Variants in SEMA3C observed in about 807,000 individuals in gnomAD.
SEMA3C encodes semaphorin-3C.
In SEMA3C, 47 loss-of-function variants were observed where a neutral mutation model predicts 89.4. The observed-to-expected ratio is 0.53, with a 90% CI of 0.42 to 0.67. SEMA3C has a LOEUF of 0.67. SEMA3C is among the 30% of genes least tolerant of loss of function. The probability of loss-of-function intolerance (pLI) is 0.00; values close to 1 mark genes in which losing one functional copy is unlikely to be tolerated. For missense variants in SEMA3C, 839 were observed against 929.1 expected, an observed-to-expected ratio of 0.90 and a Z score of 1.26; for synonymous variants, 310 against 320.2, an observed-to-expected ratio of 0.97 and a Z score of 0.34.
At chr7:80,856,966 T>C (rs1304455622) in intron 2 of SEMA3C, among the ~76,000 whole-genome samples, 1 of 152,036 alleles carries the variant, frequency 6.6e-6, no homozygotes, top group Non-Finnish European at 1.5e-5. Flanking sequence ...GAAGTGAAAA[T>C]CAACATTATC....
At chr7:80,843,209 C>T (rs529922908) in intron 2 of SEMA3C, among the ~76,000 whole-genome samples, 1 of 152,198 alleles carries the variant, frequency 6.6e-6, no homozygotes, top group Admixed American at 6.5e-5. Context: ...GGACCTGAAT[C>T]GTTTCCAACA....
intron 12 of SEMA3C, among the ~76,000 whole-genome samples, chr7:80,780,744 C>T (rs1479041767): frequency 3.3e-5 from 5 of 151,916 alleles, no homozygotes; most frequent in Admixed American, 1.3e-4. Context: ...ATTAGCCAGG[C>T]GCGGTGGTGT....
chr7:80,820,962 T>G lies in SEMA3C; in HGVS notation c.328-2544A>C, dbSNP rs568199388. On this transcript the variant is annotated intron_variant, in intron 4 of 17. Transcript: ENST00000265361. Reference sequence around the variant, plus strand: ...TCATCTTGGGTCTTATGGATGTCAATGTACTTTCATGAATTACTGGTATTG... The same window carrying G: ...TCATCTTGGGTCTTATGGATGTCAAGGTACTTTCATGAATTACTGGTATTG... Among the ~76,000 whole-genome samples the G allele has an allele frequency of 1.1e-3, 161 of 152,312 alleles. 1 individual carries two copies. The highest frequency in any genetic ancestry group is 3.8e-3 in the African/African-American group (157 of 41,568).
intron 12 of SEMA3C, among the ~76,000 whole-genome samples, chr7:80,766,132 A>G (rs928103926): frequency 6.6e-6 from 1 of 152,246 alleles, no homozygotes; most frequent in Middle Eastern, 3.2e-3. Context: ...AAAAAGAAAC[A>G]CAACTGATTT....
At chr7:80,843,922 AACAT>A (rs149878303) in intron 2 of SEMA3C, among the ~76,000 whole-genome samples, 8,029 of 152,192 alleles carry the variant, frequency 0.053, 240 homozygotes, top group African/African-American at 0.076. Flanking sequence ...TCCTACTGAG[AACAT>A]ACAAAGTACC....
At position 80,820,627 on chromosome 7, in the gene SEMA3C, C is replaced by A. The variant is rs1191897080; in HGVS notation, c.328-2209G>T. 2.0e-5 allele frequency among the ~76,000 whole-genome samples: 3 copies of A among 151,988 alleles called. No homozygotes were observed. In the East Asian group the frequency reaches 5.8e-4, roughly 29 times the overall value. ...AGAAATTAATCCTTATAGACCAGAC[C>A]ATACACTTTATTTTTAAGACATTAA... On this transcript the variant is annotated intron_variant, in intron 4 of 17. Transcript: ENST00000265361.
Position 80,751,350 on chromosome 7 carries a change from A to G in SEMA3C, c.1644-14T>C, listed in dbSNP as rs1787930725. 6.2e-7 allele frequency: 1 copy of G among 1,611,864 alleles called. No homozygotes were observed. Among genetic ancestry groups the G allele is most frequent in the South Asian group, 1.1e-5 (1 of 91,058 alleles). Reference sequence around the variant, plus strand: ...CTTCGGCTCCTCCTGCAAGTGCAGAAATACATAAAAGTGACTGAGAATTAT... The same window carrying G: ...CTTCGGCTCCTCCTGCAAGTGCAGAGATACATAAAAGTGACTGAGAATTAT... On this transcript the variant is annotated splice_polypyrimidine_tract_variant and intron_variant, in intron 15 of 17. Coordinates refer to ENST00000265361, the MANE Select transcript of SEMA3C (RefSeq NM_006379.5).
chr7:80,891,503 G>A (rs1562972409), intron 2 of SEMA3C, among the ~76,000 whole-genome samples: 1 of 151,746 alleles, frequency 6.6e-6, no homozygotes, highest in Non-Finnish European at 1.5e-5. Context: ...TATACATGGA[G>A]GGATAGGAAT....
chr7:80,828,473 C>G, intron 3 of SEMA3C, 112 bp downstream of exon 3: 1 of 811,152 alleles, frequency 1.2e-6, no homozygotes, highest in East Asian at 2.7e-5. Flanking sequence ...AACATGGGAC[C>G]AGTATTTTCT....
At chr7:80,754,147 G>C (rs1017916733) in intron 15 of SEMA3C, among the ~76,000 whole-genome samples, 2 of 152,160 alleles carry the variant, frequency 1.3e-5, no homozygotes, top group African/African-American at 4.8e-5. Flanking sequence ...ATGTTGGTCA[G>C]GCTGCTCTCC....
intron 15 of SEMA3C, among the ~76,000 whole-genome samples, chr7:80,754,233 G>A (rs1418286997): frequency 2.0e-5 from 3 of 151,980 alleles, no homozygotes; most frequent in Non-Finnish European, 2.9e-5. Flanking sequence ...CACTGCGCCC[G>A]GCATGTTTAC....
chr7:80,765,250 T>TA lies in SEMA3C; in HGVS notation c.1355-8dup, dbSNP rs200471780. 6.2e-4 allele frequency: 992 copies of TA among 1,600,644 alleles called. 6 individuals are homozygous for TA. The African/African-American group carries it at 0.012, about 20-fold the overall frequency. On this transcript the variant is annotated splice_region_variant and splice_polypyrimidine_tract_variant and intron_variant, in intron 12 of 17. Transcript: ENST00000265361. ...TTTTGCACAGTACCCCGATCTAAAT[T>TA]AAAAAAAGAAGAAATGAGATGTTAC...
At chr7:80,853,688 A>C (rs995693638) in intron 2 of SEMA3C, among the ~76,000 whole-genome samples, 1 of 152,186 alleles carries the variant, frequency 6.6e-6, no homozygotes, top group Non-Finnish European at 1.5e-5. Flanking sequence ...CAGTTAGAAT[A>C]AATAGGATGG....
At chr7:80,909,976 T>G (rs1169949538) in intron 2 of SEMA3C, among the ~76,000 whole-genome samples, 3 of 152,154 alleles carry the variant, frequency 2.0e-5, no homozygotes, top group Non-Finnish European at 4.4e-5. Flanking sequence ...AAAGCTACAG[T>G]GTTGTACATA....
chr7:80,825,968 G>A (rs1789863514), intron 4 of SEMA3C, among the ~76,000 whole-genome samples: 1 of 151,936 alleles, frequency 6.6e-6, no homozygotes, highest in East Asian at 1.9e-4. Flanking sequence ...CCAAGATTGT[G>A]GTCTAACAGA....
At chr7:80,911,827 G>T (rs1792158029) in intron 2 of SEMA3C, among the ~76,000 whole-genome samples, 1 of 151,996 alleles carries the variant, frequency 6.6e-6, no homozygotes, top group African/African-American at 2.4e-5. Flanking sequence ...TAGAGACGGG[G>T]TATCACCACG....
chr7:80,803,966 A>C, intron 8 of SEMA3C, 140 bp downstream of exon 8: 1 of 727,584 alleles, frequency 1.4e-6, no homozygotes, highest in Non-Finnish European at 2.0e-6. Context: ...TAAATATAAT[A>C]ATGATGATGA....
intron 2 of SEMA3C, among the ~76,000 whole-genome samples, chr7:80,843,076 A>T (rs1204457697): frequency 6.6e-6 from 1 of 152,094 alleles, no homozygotes; most frequent in Non-Finnish European, 1.5e-5. Flanking sequence ...AGATAAAGAG[A>T]AGTTGGTTAA....
rs56793292 is a variant in SEMA3C, at chr7:80,750,473, T to TACACACACACAC, written c.1711+784_1711+795dup. On this transcript the variant is annotated intron_variant, in intron 16 of 17. Coordinates refer to ENST00000265361, the MANE Select transcript of SEMA3C (RefSeq NM_006379.5). ...ATATATATATATATATATATATATA[T>TACACACACACAC]ACACACACACACACACACACACACA... is the stretch of plus-strand genomic sequence containing the variant. Among the ~76,000 whole-genome samples the TACACACACACAC allele has an allele frequency of 8.8e-3, 484 of 55,276 alleles. 5 individuals are homozygous for TACACACACACAC. The highest frequency in any genetic ancestry group is 0.012 in the Non-Finnish European group (351 of 28,298). 36.3% of individuals were successfully genotyped at this position (55,276 alleles called of 152,430 possible).
Sources: allele counts gnomAD v4.1 joint callset (sites outside exome capture counted in the v4.1 genomes callset), GRCh38; gene constraint gnomAD v4.1.1; transcripts MANE v1.5; gene names NCBI Gene and HGNC (gene_info 2026-07-23, HGNC 2026-07-21).